Variants in BCAT1 observed in about 807,000 individuals in gnomAD.
BCAT1 encodes the protein branched chain amino acid transaminase 1, also known as branched-chain-amino-acid aminotransferase, cytosolic.
A neutral mutation model predicts 52.4 loss-of-function variants in BCAT1; 48 were observed. The ratio of observed to expected loss-of-function variants is 0.92; its 90% CI spans 0.73 to 1.16. The LOEUF is 1.16. Among genes scored for constraint, BCAT1 ranks in the 50% most tolerant of loss-of-function variants. BCAT1 has a pLI of 0.00. For missense variants in BCAT1, 451 were observed against 457.1 expected (o/e 0.99, Z 0.12); for synonymous variants, 167 against 161.3 (o/e 1.04, Z -0.27).
chr12:24,940,513 A>G (rs2139760102), intron 1 of BCAT1, among the ~76,000 whole-genome samples: 1 of 152,262 alleles, frequency 6.6e-6, no homozygotes, highest in South Asian at 2.1e-4. Flanking sequence ...TTAATAAAAT[A>G]TTTGCTCTAA....
At chr12:24,940,396 G>C (rs984006627) in intron 1 of BCAT1, among the ~76,000 whole-genome samples, 15 of 152,150 alleles carry the variant, frequency 9.9e-5, no homozygotes, top group African/African-American at 3.6e-4. Context: ...CAAAAGGAGG[G>C]AAGGTGCCAG....
At chr12:24,893,878 G>A (rs999149076) in intron 3 of BCAT1, among the ~76,000 whole-genome samples, 1 of 152,100 alleles carries the variant, frequency 6.6e-6, no homozygotes, top group Non-Finnish European at 1.5e-5. Flanking sequence ...ATTATTACTG[G>A]TCATAAAAAT....
intron 8 of BCAT1, among the ~76,000 whole-genome samples, chr12:24,836,001 T>A (rs577851481): frequency 5.3e-5 from 8 of 152,280 alleles, no homozygotes; most frequent in African/African-American, 1.7e-4. Flanking sequence ...GTATATGAAT[T>A]TTGGAGGATG....
At chr12:24,874,378 A>G (rs1285955181) in intron 5 of BCAT1, among the ~76,000 whole-genome samples, 1 of 152,198 alleles carries the variant, frequency 6.6e-6, no homozygotes, top group African/African-American at 2.4e-5. Flanking sequence ...AAAGAGACAG[A>G]GCTTGGCAAA....
intron 1 of BCAT1, among the ~76,000 whole-genome samples, chr12:24,935,781 A>G (rs1023657682): frequency 3.9e-5 from 6 of 152,312 alleles, no homozygotes; most frequent in Admixed American, 1.3e-4. Context: ...TCTGCTTCCC[A>G]TATAACTGTA....
chr12:24,816,805 G>C lies in BCAT1; in HGVS notation c.*1203C>G. On this transcript the variant is annotated 3_prime_UTR_variant, in exon 11 of 11. Transcript: ENST00000261192. The stretch of plus-strand genomic sequence containing the variant: ...AAACTGTTACACCTCAGGTCATCAA[G>C]CATTAGATTCTCATAAGGAGCGCAT... 2.7e-6 allele frequency: 1 copy of C among 374,128 alleles called. No homozygotes were observed. Among genetic ancestry groups the C allele is most frequent in the East Asian group, 3.7e-5 (1 of 26,804 alleles). The allele number at this position is 374,128 out of a possible 1,614,324, so 23.2% of individuals were successfully genotyped here.
chr12:24,947,646 A>T (rs1200776896), intron 1 of BCAT1, among the ~76,000 whole-genome samples: 6 of 152,218 alleles, frequency 3.9e-5, no homozygotes, highest in Non-Finnish European at 8.8e-5. Context: ...TAGATATCTT[A>T]CCTAGTTCCC....
chr12:24,880,348 T>C (rs1398678964), intron 4 of BCAT1, among the ~76,000 whole-genome samples: 1 of 152,170 alleles, frequency 6.6e-6, no homozygotes, highest in African/African-American at 2.4e-5. Flanking sequence ...TCCCAGATAC[T>C]AAGGAGGCTG....
rs577645417 is a variant in BCAT1 at position 24,877,152 on chromosome 12, T to C, written c.510+1378A>G. On this transcript the variant is annotated intron_variant, in intron 5 of 10. Coordinates refer to ENST00000261192, the MANE Select transcript of BCAT1 (RefSeq NM_005504.7). ...CTTCGGTATTTATTCCATGGCCCTA[T>C]ATATCTCTCTACCTTTTGCATTCAT... 3.3e-5 allele frequency among the ~76,000 whole-genome samples: 5 copies of C among 152,346 alleles called. No homozygotes were observed. In the South Asian group the frequency reaches 1.0e-3, roughly 32 times the overall value.
chr12:24,825,854 C>T (rs1319517020), intron 10 of BCAT1, among the ~76,000 whole-genome samples: 1 of 152,144 alleles, frequency 6.6e-6, no homozygotes. Context: ...AGCTTTCCAG[C>T]TTGACATAAT....
intron 5 of BCAT1, among the ~76,000 whole-genome samples, chr12:24,868,544 G>T (rs531519862): frequency 1.3e-5 from 2 of 152,290 alleles, no homozygotes; most frequent in Non-Finnish European, 2.9e-5. Context: ...AGTGAGGAAA[G>T]GATAGACCAC....
At chr12:24,927,333 G>GA (rs1555117036) in intron 1 of BCAT1, among the ~76,000 whole-genome samples, 1 of 151,832 alleles carries the variant, frequency 6.6e-6, no homozygotes, top group African/African-American at 2.4e-5. Flanking sequence ...GAAAAGAAAA[G>GA]AAAAAAATCA....
rs936053806 is a variant in BCAT1 at position 24,944,689 on chromosome 12, C to A, written c.6+4238G>T. ...TGATGAAACATTCAAATCTACACAC[C>A]GAAATAAAGAACTGACAAATGAATT... On this transcript the variant is annotated intron_variant, in intron 1 of 10. Transcript: ENST00000261192. Among the ~76,000 whole-genome samples the A allele has an allele frequency of 1.8e-4, 27 of 152,068 alleles. 1 individual carries two copies. The highest frequency in any genetic ancestry group is 6.3e-4 in the African/African-American group (26 of 41,414).
chr12:24,827,952 A>G (rs1940479836), intron 10 of BCAT1, among the ~76,000 whole-genome samples: 1 of 151,978 alleles, frequency 6.6e-6, no homozygotes, highest in African/African-American at 2.4e-5. Context: ...GGTTCTCACT[A>G]TGTTGCCTAG....
chr12:24,834,418 T>C (rs1478188380), intron 8 of BCAT1: 1 of 985,226 alleles, frequency 1.0e-6, no homozygotes, highest in Non-Finnish European at 1.2e-6. Flanking sequence ...AAGATCCTTT[T>C]AAGCTATGTG....
chr12:24,913,465 G>A (rs893637791), intron 1 of BCAT1, among the ~76,000 whole-genome samples: 1 of 152,196 alleles, frequency 6.6e-6, no homozygotes, highest in Non-Finnish European at 1.5e-5. Flanking sequence ...TGGTAGTTTG[G>A]CTGTCTGAGT....
intron 5 of BCAT1, among the ~76,000 whole-genome samples, chr12:24,870,258 A>G (rs1406492968): frequency 3.9e-5 from 6 of 152,224 alleles, no homozygotes; most frequent in African/African-American, 1.4e-4. Flanking sequence ...GGCTGTGTGT[A>G]TGTATGTATA....
chr12:24,903,174 G>T, intron 1 of BCAT1: 1 of 1,216,286 alleles, frequency 8.2e-7, no homozygotes, highest in East Asian at 3.2e-5. Flanking sequence ...ATCCCTTGGG[G>T]AGGAGCCTCC....
At chr12:24,855,136 G>A (rs1941636292) in intron 5 of BCAT1, among the ~76,000 whole-genome samples, 1 of 152,138 alleles carries the variant, frequency 6.6e-6, no homozygotes, top group Non-Finnish European at 1.5e-5. Context: ...AGAGTCAGAA[G>A]ATGTTTGGTT....
Sources: allele counts gnomAD v4.1 joint callset (sites outside exome capture counted in the v4.1 genomes callset), GRCh38; gene constraint gnomAD v4.1.1; transcripts MANE v1.5; gene names NCBI Gene and HGNC (gene_info 2026-07-23, HGNC 2026-07-21).